SLC13A1: variants seen among roughly 807,000 people sequenced by gnomAD.
SLC13A1 encodes solute carrier family 13 member 1, also known as Na(+)/sulfate cotransporter.
Under a neutral mutation model 70.0 loss-of-function variants are expected in SLC13A1, and 65 were observed. That is an observed-to-expected ratio of 0.93 (90% CI 0.76 to 1.14). The LOEUF (loss-of-function observed/expected upper bound fraction) is 1.14. Among genes scored for constraint, SLC13A1 ranks in the 50% most tolerant of loss-of-function variants. The pLI, the probability that SLC13A1 is intolerant of heterozygous loss-of-function variation, is 0.00. For synonymous variants in SLC13A1, 275 were observed against 250.5 expected (o/e 1.10, Z -0.92); for missense variants, 726 against 717.8 (o/e 1.01, Z -0.13).
At position 123,117,627 on chromosome 7, in the gene SLC13A1, AAG is replaced by A. The variant is rs1793225814; in HGVS notation, c.1513-21_1513-20del. ...CTTCGGCCTGTTGTAAGAGATAAAA[AAG>A]AGTCTAAGTAAAATTTTGAGGGTAG... On this transcript the variant is annotated intron_variant, in intron 13 of 14. Transcript: ENST00000194130. 1 of 1,543,430 alleles carries A rather than the reference AAG, an allele frequency of 6.5e-7. No homozygotes were observed. Among genetic ancestry groups the A allele is most frequent in the Non-Finnish European group, 8.8e-7 (1 of 1,141,300 alleles).
At chr7:123,123,878 G>C (rs1793470616) in intron 11 of SLC13A1, among the ~76,000 whole-genome samples, 2 of 152,024 alleles carry the variant, frequency 1.3e-5, no homozygotes, top group African/African-American at 4.8e-5. Flanking sequence ...AGTTCATTTG[G>C]AGACATATTC....
At chr7:123,169,875 G>A (rs1225491146) in intron 3 of SLC13A1, among the ~76,000 whole-genome samples, 1 of 152,124 alleles carries the variant, frequency 6.6e-6, no homozygotes, top group Non-Finnish European at 1.5e-5. Flanking sequence ...AGTATAAGGT[G>A]GGTGGAGAAA....
At chr7:123,121,645 G>A (rs1793385892) in intron 12 of SLC13A1, among the ~76,000 whole-genome samples, 1 of 152,040 alleles carries the variant, frequency 6.6e-6, no homozygotes, top group Non-Finnish European at 1.5e-5. Context: ...TCACTGATAA[G>A]AATTTGAAAC....
rs762650824 is a variant in SLC13A1 at position 123,199,928 on chromosome 7, T to G, written c.19A>C (p.Ile7Leu). MKFFSYILVYRRFLFVV... is the reference protein window; with the variant it reads MKFFSYLLVYRRFLFVV... ...AAGAGAAATCGGCGATAAACCAGAA[T>G]GTAACTGAAGAATTTCATTGTCCTG... Residue 7 changes from isoleucine (I) to leucine (L), a missense_variant, in exon 1 of 15, where the codon ATT becomes CTT. Physicochemically the swap from Ile to Leu is conservative, Grantham distance 5 (BLOSUM62 2). Transcript: ENST00000194130. The G allele has an allele frequency of 1.2e-6, 2 of 1,612,852 alleles. No individual in the cohort carries two copies. The highest frequency in any genetic ancestry group is 1.7e-6 in the Non-Finnish European group (2 of 1,179,232).
chr7:123,171,908 A>T lies in SLC13A1; in HGVS notation c.229-4T>A, dbSNP rs1200662237. ...CCTTGAAATAAGCAGATGCCACCTGAAATAACAATTAAACCCGTGATTATT... is the reference window on the plus strand; with the variant it reads ...CCTTGAAATAAGCAGATGCCACCTGTAATAACAATTAAACCCGTGATTATT... On this transcript the variant is annotated splice_region_variant and splice_polypyrimidine_tract_variant and intron_variant, in intron 2 of 14. Transcript: ENST00000194130. The T allele has an allele frequency of 1.2e-6, 2 of 1,611,640 alleles. No homozygotes were observed. The highest frequency in any genetic ancestry group is 3.4e-5 in the Admixed American group (2 of 59,666).
At chr7:123,174,494 T>G (rs1795383143) in intron 2 of SLC13A1, among the ~76,000 whole-genome samples, 1 of 152,120 alleles carries the variant, frequency 6.6e-6, no homozygotes, top group Non-Finnish European at 1.5e-5. Flanking sequence ...CCTAGGTCCT[T>G]CATATCTTTA....
chr7:123,169,871 A>G (rs1329120023), intron 3 of SLC13A1, among the ~76,000 whole-genome samples: 3 of 152,292 alleles, frequency 2.0e-5, no homozygotes, highest in South Asian at 2.1e-4. Flanking sequence ...GTTCAGTATA[A>G]GGTGGGTGGA....
intron 6 of SLC13A1, among the ~76,000 whole-genome samples, chr7:123,150,819 T>C (rs1251048179): frequency 6.6e-6 from 1 of 152,118 alleles, no homozygotes; most frequent in East Asian, 1.9e-4. Flanking sequence ...TGTTTTTCTG[T>C]CTCCCTTGCC....
intron 1 of SLC13A1, among the ~76,000 whole-genome samples, 190 bp downstream of exon 1, chr7:123,199,658 G>T (rs945560733): frequency 1.3e-5 from 2 of 151,922 alleles, no homozygotes; most frequent in Non-Finnish European, 2.9e-5. Context: ...ATCATACTAA[G>T]AATCAACCAA....
chr7:123,192,556 C>T (rs879815370), intron 1 of SLC13A1, among the ~76,000 whole-genome samples: 2 of 152,012 alleles, frequency 1.3e-5, no homozygotes, highest in East Asian at 1.9e-4. Context: ...TGAATTAGTA[C>T]GTATGTGGGT....
chr7:123,119,086 G>A lies in SLC13A1; in HGVS notation c.1507C>T (p.Pro503Ser). The change falls in exon 13 of 15, where the codon CCA becomes TCA. Residue 503 changes from proline to serine, a missense_variant. Coordinates refer to ENST00000194130, the MANE Select transcript of SLC13A1 (RefSeq NM_022444.4). ...GGGATAAATGAGATACTCACCAATG[G>A]AGATAATATTGGGAGAAAGAGTGTA... ...TITLFLPILS[P>S]LAEAIHVNPL... is the part of the protein sequence containing the mutation. 2.5e-6 allele frequency: 4 copies of A among 1,611,320 alleles called. No individual in the cohort carries two copies. Among genetic ancestry groups the A allele is most frequent in the Non-Finnish European group, 3.4e-6 (4 of 1,178,312 alleles).
At chr7:123,147,413 T>TGTGATTTC (rs1794399604) in intron 6 of SLC13A1, 103 bp from the exon 7 acceptor site, 2 of 1,307,384 alleles carry the variant, frequency 1.5e-6, no homozygotes, top group Admixed American at 4.4e-5. Flanking sequence ...GTTGAAACCC[T>TGTGATTTC]AACTCCTGAT....
chr7:123,180,939 G>A (rs926049873), intron 2 of SLC13A1, 34 bp downstream of exon 2: 2 of 1,582,112 alleles, frequency 1.3e-6, no homozygotes, highest in Admixed American at 1.8e-5. Flanking sequence ...TACAAAACAG[G>A]AAATCAACTT....
In SLC13A1 at chr7:123,114,991, A is replaced by G. The variant is rs1314531511; in HGVS notation, c.*527T>C. On this transcript the variant is annotated 3_prime_UTR_variant, in exon 15 of 15. Coordinates refer to ENST00000194130, the MANE Select transcript of SLC13A1 (RefSeq NM_022444.4). ...CCAATTGGATTTTTTAAATGAGGAAATGCACATATCATTTAGATTAAACTT... is the reference window on the plus strand; with the variant it reads ...CCAATTGGATTTTTTAAATGAGGAAGTGCACATATCATTTAGATTAAACTT... 1 of 152,246 alleles carries G rather than the reference A, an allele frequency of 6.6e-6. No individual in the cohort carries two copies. Among genetic ancestry groups the G allele is most frequent in the South Asian group, 2.1e-4 (1 of 4,834 alleles). 9.4% of individuals were successfully genotyped at this position (152,246 alleles called of 1,614,324 possible). A position where few individuals can be genotyped will look rare whatever the true frequency, so the allele number is the denominator to read the frequency against.
At chr7:123,135,705 G>A (rs981049696) in intron 7 of SLC13A1, among the ~76,000 whole-genome samples, 4 of 151,852 alleles carry the variant, frequency 2.6e-5, no homozygotes, top group Admixed American at 2.6e-4. Context: ...ATAATAATGG[G>A]CCCTCAAAAC....
chr7:123,168,668 A>G, intron 4 of SLC13A1, 107 bp from the exon 5 acceptor site: 1 of 781,768 alleles, frequency 1.3e-6, no homozygotes, highest in Admixed American at 2.5e-5. Context: ...TGAAAATAAA[A>G]AATTCACTGT....
intron 12 of SLC13A1, among the ~76,000 whole-genome samples, chr7:123,121,023 A>C (rs1793359027): frequency 6.6e-6 from 1 of 151,936 alleles, no homozygotes. Flanking sequence ...TATTTTGTGG[A>C]AATGTTCTTC....
chr7:123,161,068 A>G (rs1427413264), intron 6 of SLC13A1, among the ~76,000 whole-genome samples: 11 of 151,836 alleles, frequency 7.2e-5, no homozygotes, highest in Admixed American at 7.2e-4. Context: ...ATTAAAAATA[A>G]TATGAAATAT....
At chr7:123,159,337 A>G (rs1794810803) in intron 6 of SLC13A1, among the ~76,000 whole-genome samples, 1 of 152,202 alleles carries the variant, frequency 6.6e-6, no homozygotes, top group African/African-American at 2.4e-5. Flanking sequence ...AGGATGCCTA[A>G]TCCGATAGGG....
Sources: allele counts gnomAD v4.1 joint callset (sites outside exome capture counted in the v4.1 genomes callset), GRCh38; gene constraint gnomAD v4.1.1; transcripts MANE v1.5; gene names NCBI Gene and HGNC (gene_info 2026-07-23, HGNC 2026-07-21).